The following ARID1B variants were observed in gnomAD, a reference collection of about 807,000 sequenced individuals.
ARID1B encodes AT-rich interactive domain-containing protein 1B.
In ARID1B, 30 loss-of-function variants were observed where a neutral mutation model predicts 212.3. The observed-to-expected ratio is 0.14, with a 90% CI of 0.11 to 0.19. The LOEUF (loss-of-function observed/expected upper bound fraction) is 0.19. ARID1B is among the 10% of genes least tolerant of loss of function. The pLI is 1.00. For synonymous variants in ARID1B, 1,402 were observed against 1,301.7 expected, an observed-to-expected ratio of 1.08 and a Z score of -1.66; for missense variants, 2,891 against 3,204.0, an observed-to-expected ratio of 0.90 and a Z score of 2.36.
intron 4 of ARID1B, among the ~76,000 whole-genome samples, chr6:157,026,716 A>G (rs1780690183): frequency 6.6e-6 from 1 of 151,980 alleles, no homozygotes; most frequent in Non-Finnish European, 1.5e-5. Context: ...GGGTCTCACT[A>G]TTTTGCCCCA....
At chr6:157,126,375 G>A (rs73021529) in intron 6 of ARID1B, among the ~76,000 whole-genome samples, 159 of 152,188 alleles carry the variant, frequency 1.0e-3, no homozygotes, top group African/African-American at 3.4e-3. Context: ...AAATCCATAG[G>A]GGGTGTGTTG....
chr6:156,890,307 G>A (rs1787822253), intron 2 of ARID1B, among the ~76,000 whole-genome samples: 1 of 152,164 alleles, frequency 6.6e-6, no homozygotes, highest in Admixed American at 6.5e-5. Context: ...AAATCCAAGA[G>A]GGATTGTATG....
intron 2 of ARID1B, among the ~76,000 whole-genome samples, chr6:156,878,645 A>G (rs781652115): frequency 1.6e-4 from 24 of 152,180 alleles, no homozygotes; most frequent in Non-Finnish European, 3.1e-4. Flanking sequence ...TGGGAAAGCA[A>G]GTAAGTGTTT....
chr6:156,836,496 G>A (rs925711684), intron 2 of ARID1B, among the ~76,000 whole-genome samples: 13 of 152,178 alleles, frequency 8.5e-5, no homozygotes, highest in Non-Finnish European at 1.3e-4. Context: ...ACCAGGAGCT[G>A]GGATGGTTGA....
chr6:156,947,632 AT>A (rs1178618124), intron 4 of ARID1B, among the ~76,000 whole-genome samples: 6 of 135,962 alleles, frequency 4.4e-5, no homozygotes, highest in African/African-American at 8.3e-5. Flanking sequence ...TGAAGGGCTA[AT>A]TTAAAAAAAA....
chr6:157,170,983 C>T (rs1419721302), intron 9 of ARID1B, among the ~76,000 whole-genome samples: 1 of 152,198 alleles, frequency 6.6e-6, no homozygotes, highest in Admixed American at 6.5e-5. Context: ...GGTATATTAC[C>T]ATGAAATGAA....
intron 13 of ARID1B, chr6:157,186,559 C>A (rs777458651): frequency 1.9e-5 from 9 of 470,658 alleles, no homozygotes; most frequent in South Asian, 1.4e-4. Flanking sequence ...CCAGTCCCAT[C>A]ATTAGGGAAA....
At chr6:157,140,022 C>G (rs1189866423) in intron 7 of ARID1B, among the ~76,000 whole-genome samples, 1 of 151,908 alleles carries the variant, frequency 6.6e-6, no homozygotes, top group Non-Finnish European at 1.5e-5. Context: ...CCGTGCCCAG[C>G]CTTTTTATAT....
chr6:157,004,890 C>CT (rs1779118895), intron 4 of ARID1B, among the ~76,000 whole-genome samples: 1 of 35,686 alleles, frequency 2.8e-5, no homozygotes, highest in Non-Finnish European at 7.2e-5. Flanking sequence ...TTTTCTTCTT[C>CT]TTTTTTCTTT....
intron 2 of ARID1B, among the ~76,000 whole-genome samples, chr6:156,859,738 T>G (rs1288484175): frequency 6.6e-6 from 1 of 152,250 alleles, no homozygotes; most frequent in Non-Finnish European, 1.5e-5. Context: ...GTGCAGTTAT[T>G]TCTTTACCAC....
At chr6:157,059,379 AT>A (rs1289378554) in intron 4 of ARID1B, among the ~76,000 whole-genome samples, 1 of 152,176 alleles carries the variant, frequency 6.6e-6, no homozygotes, top group Non-Finnish European at 1.5e-5. Context: ...AAAGTTACTT[AT>A]CGTGTTTTCC....
At chr6:157,013,679 G>T (rs554961463) in intron 4 of ARID1B, among the ~76,000 whole-genome samples, 46 of 152,310 alleles carry the variant, frequency 3.0e-4, no homozygotes, top group Middle Eastern at 6.8e-3. Flanking sequence ...GTGTACTGAA[G>T]GTTGAGGGGT....
intron 2 of ARID1B, among the ~76,000 whole-genome samples, chr6:156,842,360 TA>T (rs1408692575): frequency 2.6e-5 from 4 of 152,232 alleles, no homozygotes; most frequent in African/African-American, 9.6e-5. Context: ...AATAGAATGA[TA>T]TAATATGTGA....
chr6:157,089,343 C>G (rs1282213497), intron 5 of ARID1B, among the ~76,000 whole-genome samples: 1 of 152,148 alleles, frequency 6.6e-6, no homozygotes, highest in Non-Finnish European at 1.5e-5. Context: ...GTTCCTCCAC[C>G]CACTGCAGAT....
intron 4 of ARID1B, chr6:157,022,874 G>C (rs1780412143): frequency 6.6e-6 from 1 of 152,208 alleles, no homozygotes; most frequent in Non-Finnish European, 1.5e-5. Context: ...TTTCGGTGTT[G>C]ATGTAGAGAC....
At chr6:156,944,898 T>TTTC (rs754525446) in intron 4 of ARID1B, among the ~76,000 whole-genome samples, 3 of 151,770 alleles carry the variant, frequency 2.0e-5, no homozygotes, top group East Asian at 1.9e-4. Context: ...CTGCAAGCTT[T>TTTC]TTCTTCTTCT....
At chr6:157,026,185 T>C (rs1382414165) in intron 4 of ARID1B, among the ~76,000 whole-genome samples, 2 of 152,236 alleles carry the variant, frequency 1.3e-5, no homozygotes, top group Non-Finnish European at 2.9e-5. Context: ...AGTGCTGGGA[T>C]TACAGGCATG....
intron 3 of ARID1B, among the ~76,000 whole-genome samples, chr6:156,919,761 T>G (rs1790634279): frequency 6.6e-6 from 1 of 151,984 alleles, no homozygotes; most frequent in Admixed American, 6.6e-5. Context: ...AGCCCAGGAG[T>G]TCAAGGCTGC....
Position 157,200,562 on chromosome 6 carries a change from G to A in ARID1B, c.4480-143G>A, listed in dbSNP as rs1794022977. On this transcript the variant is annotated intron_variant, in intron 17 of 19. Coordinates refer to ENST00000636930, the MANE Select transcript of ARID1B (RefSeq NM_001374828.1). This position sits in a 1 kb window ranked among gnomAD's most constrained non-coding sequence, Gnocchi z 4.3. ...AATACTGAAATATTGAACATAAATTGTTAGTTCTCTGTTGTTATAGGAGCT... is the reference window on the plus strand; with the variant it reads ...AATACTGAAATATTGAACATAAATTATTAGTTCTCTGTTGTTATAGGAGCT... 3 of 878,070 alleles carry A rather than the reference G, an allele frequency of 3.4e-6. No homozygotes were observed. The highest frequency in any genetic ancestry group is 2.9e-5 in the Admixed American group (1 of 34,278). 54.4% of individuals were successfully genotyped at this position (878,070 alleles called of 1,614,324 possible). A position where few individuals can be genotyped will look rare whatever the true frequency, so the allele number is the denominator to read the frequency against.
Sources: gnomAD v4.1 joint callset for allele counts (sites outside exome capture counted in the v4.1 genomes callset) on GRCh38, gnomAD v4.1.1 for gene constraint, Gnocchi (gnomAD v3.1) non-coding constraint, MANE v1.5 for transcripts, NCBI Gene and HGNC (gene_info 2026-07-23, HGNC 2026-07-21) for gene names.